Variants in PRDM5 observed in about 807,000 individuals in gnomAD.
PRDM5 encodes PR domain zinc finger protein 5.
Under a neutral mutation model 81.2 loss-of-function variants are expected in PRDM5, and 56 were observed. The observed-to-expected ratio is 0.69, with a 90% CI of 0.56 to 0.86. The LOEUF (loss-of-function observed/expected upper bound fraction) is 0.86, where lower values mean the gene tolerates loss of function less well. PRDM5 is among the 40% of genes least tolerant of loss of function. The probability of loss-of-function intolerance (pLI) is 0.00; values close to 1 mark genes in which losing one functional copy is unlikely to be tolerated. For synonymous variants in PRDM5, 267 were observed against 256.4 expected, an observed-to-expected ratio of 1.04 and a Z score of -0.39; for missense variants, 697 against 770.1, an observed-to-expected ratio of 0.91 and a Z score of 1.12.
At chr4:120,849,510 A>G (rs1373930210) in intron 3 of PRDM5, among the ~76,000 whole-genome samples, 1 of 152,092 alleles carries the variant, frequency 6.6e-6, no homozygotes, top group African/African-American at 2.4e-5. Context: ...CCCCTCATGA[A>G]GTGCACCAGG....
intron 14 of PRDM5, among the ~76,000 whole-genome samples, chr4:120,737,704 A>G (rs1741321958): frequency 6.6e-6 from 1 of 152,216 alleles, no homozygotes; most frequent in Non-Finnish European, 1.5e-5. Flanking sequence ...GCTGATTAGA[A>G]AAGAATTAAA....
intron 2 of PRDM5, among the ~76,000 whole-genome samples, chr4:120,879,015 A>T (rs750634337): frequency 9.9e-5 from 15 of 152,188 alleles, no homozygotes; most frequent in Non-Finnish European, 1.9e-4. Flanking sequence ...TTACCATGTG[A>T]TCCAGCAATC....
chr4:120,767,914 T>C (rs1401433523), intron 13 of PRDM5, among the ~76,000 whole-genome samples: 2 of 152,208 alleles, frequency 1.3e-5, no homozygotes, highest in East Asian at 3.9e-4. Flanking sequence ...ACATGCTCTG[T>C]TGCCTGCCGC....
intron 13 of PRDM5, among the ~76,000 whole-genome samples, chr4:120,774,886 T>TTC (rs1747849631): frequency 3.7e-5 from 2 of 54,352 alleles, no homozygotes; most frequent in Non-Finnish European, 6.9e-5. Context: ...CTCTCTCTCT[T>TTC]TCTATATATA....
In PRDM5 at chr4:120,710,417, C is replaced by T; in HGVS notation, c.1624-4G>A. ...CTGAGCACTTGTACGGCTTCTCCTG[C>T]AGTCAACAAAAAGAGACCACCAAAA... On this transcript the variant is annotated splice_region_variant and splice_polypyrimidine_tract_variant and intron_variant, in intron 14 of 15. Coordinates refer to ENST00000264808, the MANE Select transcript of PRDM5 (RefSeq NM_018699.4). 1 of 1,613,690 alleles carries T rather than the reference C, an allele frequency of 6.2e-7. No homozygotes were observed. The highest frequency in any genetic ancestry group is 8.5e-7 in the Non-Finnish European group (1 of 1,179,746).
chr4:120,903,945 T>A (rs1765475709), intron 2 of PRDM5, among the ~76,000 whole-genome samples: 1 of 151,924 alleles, frequency 6.6e-6, no homozygotes, highest in Non-Finnish European at 1.5e-5. Context: ...ATCCTAGAAC[T>A]TTGGGAGGCC....
At chr4:120,887,336 AT>A (rs375544472) in intron 2 of PRDM5, among the ~76,000 whole-genome samples, 43 of 152,020 alleles carry the variant, frequency 2.8e-4, no homozygotes, top group East Asian at 2.7e-3. Context: ...TTCTCACCAA[AT>A]CTACTGTTAG....
At chr4:120,840,932 C>T (rs1044647945) in intron 3 of PRDM5, among the ~76,000 whole-genome samples, 1 of 152,202 alleles carries the variant, frequency 6.6e-6, no homozygotes, top group African/African-American at 2.4e-5. Flanking sequence ...CAGTAATTCT[C>T]GCTCACCCAT....
chr4:120,842,183 G>T (rs1330899358), intron 3 of PRDM5, among the ~76,000 whole-genome samples: 1 of 152,116 alleles, frequency 6.6e-6, no homozygotes, highest in African/African-American at 2.4e-5. Context: ...GGTGCTGTTG[G>T]CTGCACGGCA....
chr4:120,755,686 C>A (rs767123606), intron 13 of PRDM5, among the ~76,000 whole-genome samples: 1 of 152,222 alleles, frequency 6.6e-6, no homozygotes, highest in South Asian at 2.1e-4. Flanking sequence ...TTCAACAAGG[C>A]CTTCCTTGAC....
At chr4:120,697,847 G>A (rs1473693362) in intron 15 of PRDM5, among the ~76,000 whole-genome samples, 1 of 151,238 alleles carries the variant, frequency 6.6e-6, no homozygotes, top group Non-Finnish European at 1.5e-5. Flanking sequence ...ATACTTAAAG[G>A]CAAGAAGAAA....
intron 1 of PRDM5, among the ~76,000 whole-genome samples, 167 bp downstream of exon 1, chr4:120,922,349 C>A (rs1040402462): frequency 6.6e-6 from 1 of 151,856 alleles, no homozygotes; most frequent in Non-Finnish European, 1.5e-5. Context: ...AAGGCCACCC[C>A]CGCCGTGCCC....
Position 120,777,182 on chromosome 4 carries a change from C to G in PRDM5, c.1537+6G>C. On this transcript the variant is annotated splice_donor_region_variant and intron_variant, in intron 13 of 15. Coordinates refer to ENST00000264808, the MANE Select transcript of PRDM5 (RefSeq NM_018699.4). ...TTTTTCACTAGTCTAATTACAATCT[C>G]CATACCTGTGTGGCTCCGGATATGA... 1 of 1,613,240 alleles carries G rather than the reference C, an allele frequency of 6.2e-7. No individual in the cohort carries two copies. Among genetic ancestry groups the G allele is most frequent in the Non-Finnish European group, 8.5e-7 (1 of 1,179,422 alleles).
chr4:120,746,908 A>G (rs1349293706), intron 14 of PRDM5, among the ~76,000 whole-genome samples: 2 of 150,706 alleles, frequency 1.3e-5, no homozygotes, highest in Admixed American at 6.6e-5. Flanking sequence ...TAGAAATACC[A>G]TTTGACCCTG....
intron 1 of PRDM5, among the ~76,000 whole-genome samples, chr4:120,920,742 C>T (rs1445510897): frequency 6.6e-6 from 1 of 152,176 alleles, no homozygotes; most frequent in African/African-American, 2.4e-5. Flanking sequence ...TGCACATTCA[C>T]TTTGAAATAC....
intron 7 of PRDM5, among the ~76,000 whole-genome samples, chr4:120,812,187 T>C (rs1025292249): frequency 2.6e-5 from 4 of 152,128 alleles, no homozygotes; most frequent in Non-Finnish European, 4.4e-5. Flanking sequence ...CATTCTCTCA[T>C]TGATGGACAC....
chr4:120,915,242 T>A (rs143608603), intron 1 of PRDM5, among the ~76,000 whole-genome samples: 1 of 152,228 alleles, frequency 6.6e-6, no homozygotes, highest in Non-Finnish European at 1.5e-5. Context: ...AAATCATAAC[T>A]TTTCTTAAGG....
chr4:120,746,465 G>T (rs903225827), intron 14 of PRDM5, among the ~76,000 whole-genome samples: 16 of 142,974 alleles, frequency 1.1e-4, no homozygotes, highest in African/African-American at 4.1e-4. Context: ...CTTCTGCACA[G>T]CAAAAGAAAC....
chr4:120,738,403 T>C (rs1578533200), intron 14 of PRDM5, among the ~76,000 whole-genome samples: 1 of 152,200 alleles, frequency 6.6e-6, no homozygotes, highest in Admixed American at 6.5e-5. Context: ...TAAGGCCAAT[T>C]ACTTAAAAGG....
Sources: allele counts gnomAD v4.1 joint callset (sites outside exome capture counted in the v4.1 genomes callset), GRCh38; gene constraint gnomAD v4.1.1; transcripts MANE v1.5; gene names NCBI Gene and HGNC (gene_info 2026-07-23, HGNC 2026-07-21).